TTYH1: variants seen among roughly 807,000 people sequenced by gnomAD.
TTYH1 encodes protein tweety homolog 1.
A neutral mutation model predicts 61.2 loss-of-function variants in TTYH1; 33 were observed. The ratio of observed to expected loss-of-function variants is 0.54; its 90% CI spans 0.41 to 0.72. The LOEUF (loss-of-function observed/expected upper bound fraction) is 0.72, where lower values mean the gene tolerates loss of function less well. TTYH1 is among the 30% of genes least tolerant of loss of function. The pLI, the probability that TTYH1 is intolerant of heterozygous loss-of-function variation, is 0.00. For missense variants in TTYH1, 538 were observed against 575.8 expected (o/e 0.93, Z 0.67); for synonymous variants, 308 against 266.4 (o/e 1.16, Z -1.52).
Position 54,420,399 on chromosome 19 carries a change from GC to G in TTYH1, c.306-877del, listed in dbSNP as rs2083186762. Among the ~76,000 whole-genome samples, 1 of 152,152 alleles carries G rather than the reference GC, an allele frequency of 6.6e-6. No homozygotes were observed. Among genetic ancestry groups the G allele is most frequent in the Admixed American group, 6.5e-5 (1 of 15,282 alleles). ...GGGGAGAGACACGGCCCCAGCCCCC[GC>G]AGCCTGGGAACAAGAGGAGCTTTGT... On this transcript the variant is annotated intron_variant, in intron 2 of 13. Coordinates refer to ENST00000376530, the MANE Select transcript of TTYH1 (RefSeq NM_020659.4). This position sits in a 1 kb window ranked among gnomAD's most constrained non-coding sequence, Gnocchi z 4.8.
In TTYH1 at chr19:54,416,976, AG is replaced by A; in HGVS notation, c.126+1301del. ...GCCCCCACGGTCGGGGGTCAGGGTC[AG>A]GGTGGCAGGGATGCGCGGGCAGAGC... On this transcript the variant is annotated intron_variant, in intron 1 of 13. Coordinates refer to ENST00000376530, the MANE Select transcript of TTYH1 (RefSeq NM_020659.4). This position sits in a 1 kb window ranked among gnomAD's most constrained non-coding sequence, Gnocchi z 7.0. 1 of 1,214,530 alleles carries A rather than the reference AG, an allele frequency of 8.2e-7. No individual in the cohort carries two copies. The highest frequency in any genetic ancestry group is 1.0e-6 in the Non-Finnish European group (1 of 953,880). 75.2% of individuals were successfully genotyped at this position (1,214,530 alleles called of 1,614,324 possible). A position where few individuals can be genotyped will look rare whatever the true frequency, so the allele number is the denominator to read the frequency against.
intron 10 of TTYH1, 174 bp downstream of exon 10, chr19:54,431,365 C>T (rs768592055): frequency 7.1e-5 from 42 of 590,608 alleles, no homozygotes; most frequent in Non-Finnish European, 1.1e-4. Context: ...TATAACCTGT[C>T]GTCTACCTAC....
chr19:54,427,465 G>A (rs1225165838), intron 5 of TTYH1, among the ~76,000 whole-genome samples: 1 of 151,476 alleles, frequency 6.6e-6, no homozygotes, highest in Non-Finnish European at 1.5e-5. Context: ...TTAGCCGGGC[G>A]TGGTGGCGGG....
In TTYH1 at chr19:54,420,204, G is replaced by A. The variant is rs34537286; in HGVS notation, c.305+898G>A. ...CCCGGCAGGGCAGCACCCACAGGTT[G>A]CAGACAGCAATCCTCTTCCACAGAC... On this transcript the variant is annotated intron_variant, in intron 2 of 13. Coordinates refer to ENST00000376530, the MANE Select transcript of TTYH1 (RefSeq NM_020659.4). The surrounding 1 kb of genome is among the most constrained non-coding windows in gnomAD (Gnocchi z 4.8). Among the ~76,000 whole-genome samples the A allele has an allele frequency of 0.59, 90,017 of 152,054 alleles. 26,754 individuals are homozygous for A. Among genetic ancestry groups the A allele is most frequent in the Admixed American group, 0.64 (9,796 of 15,276 alleles).
chr19:54,430,658 T>C, intron 8 of TTYH1, 53 bp downstream of exon 8: 1 of 1,371,680 alleles, frequency 7.3e-7, no homozygotes, highest in Non-Finnish European at 1.0e-6. Flanking sequence ...AAATCTGGAC[T>C]CTGAAGGGAG....
chr19:54,430,793 C>T lies in TTYH1; in HGVS notation c.940-20C>T. ...GGCGTATACTCCTGGGTCCTCCTCCCTCCCTTTCTCTTTCTGCAGAGGCTG... is the reference window on the plus strand; with the variant it reads ...GGCGTATACTCCTGGGTCCTCCTCCTTCCCTTTCTCTTTCTGCAGAGGCTG... On this transcript the variant is annotated intron_variant, in intron 8 of 13. Transcript: ENST00000376530. 1.2e-6 allele frequency: 2 copies of T among 1,612,528 alleles called. No individual in the cohort carries two copies. The highest frequency in any genetic ancestry group is 1.1e-5 in the South Asian group (1 of 90,916).
Position 54,436,240 on chromosome 19 carries a change from T to G in TTYH1, c.*42+69T>G. ...GCCCCCCTCCCGCCCTCCGAGCTGC[T>G]CCAGGCATGGGCTGCGTGCCTCCTG... is the stretch of plus-strand genomic sequence containing the variant. On this transcript the variant is annotated intron_variant, in intron 13 of 13. Transcript: ENST00000376530. This position sits in a 1 kb window ranked among gnomAD's most constrained non-coding sequence, Gnocchi z 4.3. 4 of 1,607,940 alleles carry G rather than the reference T, an allele frequency of 2.5e-6. No homozygotes were observed. The highest frequency in any genetic ancestry group is 3.4e-6 in the Non-Finnish European group (4 of 1,175,168).
At position 54,416,982 on chromosome 19, in the gene TTYH1, G is replaced by A; in HGVS notation, c.126+1304G>A. 1 of 1,209,590 alleles carries A rather than the reference G, an allele frequency of 8.3e-7. No individual in the cohort carries two copies. Among genetic ancestry groups the A allele is most frequent in the South Asian group, 1.5e-5 (1 of 68,874 alleles). 74.9% of individuals were successfully genotyped at this position (1,209,590 alleles called of 1,614,324 possible). A position where few individuals can be genotyped will look rare whatever the true frequency, so the allele number is the denominator to read the frequency against. On this transcript the variant is annotated intron_variant, in intron 1 of 13. Transcript: ENST00000376530. The surrounding 1 kb of genome is among the most constrained non-coding windows in gnomAD (Gnocchi z 7.0). ...ACGGTCGGGGGTCAGGGTCAGGGTGGCAGGGATGCGCGGGCAGAGCCCCAC... is the reference window on the plus strand; with the variant it reads ...ACGGTCGGGGGTCAGGGTCAGGGTGACAGGGATGCGCGGGCAGAGCCCCAC...
chr19:54,425,877 G>A (rs1234509816), intron 4 of TTYH1, among the ~76,000 whole-genome samples: 1 of 151,926 alleles, frequency 6.6e-6, no homozygotes, highest in African/African-American at 2.4e-5. Flanking sequence ...CACCACGCCC[G>A]GCTAATTGTT....
chr19:54,419,123 C>T lies in TTYH1; in HGVS notation c.127-5C>T. ...TCGGAGGTCTGATGTCACCCCCTTC[C>T]CCAGGCCTTGTTGCTGGTGGCGGCC... On this transcript the variant is annotated splice_region_variant and splice_polypyrimidine_tract_variant and intron_variant, in intron 1 of 13. Coordinates refer to ENST00000376530, the MANE Select transcript of TTYH1 (RefSeq NM_020659.4). The surrounding 1 kb of genome is among the most constrained non-coding windows in gnomAD (Gnocchi z 6.1). The T allele has an allele frequency of 1.9e-6, 3 of 1,609,460 alleles. No homozygotes were observed. Among genetic ancestry groups the T allele is most frequent in the Admixed American group, 1.7e-5 (1 of 59,536 alleles).
In TTYH1 at chr19:54,421,298, C is replaced by T. The variant is rs1168951983; in HGVS notation, c.327C>T (p.Phe109=). ...LAGCTGIGIG[F]YGNSETSDGV... ...TCAGCACTGGCATTGGCATCGGTTTCTATGGCAACAGTGAGACCAGTGATG... is the reference window on the plus strand; with the variant it reads ...TCAGCACTGGCATTGGCATCGGTTTTTATGGCAACAGTGAGACCAGTGATG... The change falls in exon 3 of 14, where the codon TTC becomes TTT. Residue 109 remains phenylalanine, a synonymous_variant. Coordinates refer to ENST00000376530, the MANE Select transcript of TTYH1 (RefSeq NM_020659.4). This position sits in a 1 kb window ranked among gnomAD's most constrained non-coding sequence, Gnocchi z 4.8. 1 of 1,613,586 alleles carries T rather than the reference C, an allele frequency of 6.2e-7. No individual in the cohort carries two copies. The highest frequency in any genetic ancestry group is 2.2e-5 in the East Asian group (1 of 44,864).
At position 54,425,866 on chromosome 19, in the gene TTYH1, C is replaced by T. The variant is rs1328015349; in HGVS notation, c.639-807C>T. ...AAGTAGCTGGGATTACAGGCGTGCA[C>T]CACCACGCCCGGCTAATTGTTGTAT... is the stretch of plus-strand genomic sequence containing the variant. On this transcript the variant is annotated intron_variant, in intron 4 of 13. Coordinates refer to ENST00000376530, the MANE Select transcript of TTYH1 (RefSeq NM_020659.4). Among the ~76,000 whole-genome samples the T allele has an allele frequency of 2.0e-5, 3 of 152,134 alleles. No individual in the cohort carries two copies. In the South Asian group the frequency reaches 6.2e-4, roughly 31 times the overall value.
rs990937552 is a variant in TTYH1 at position 54,421,024 on chromosome 19, C to T, written c.306-253C>T. ...TGCGAGTTAAATCGGGGGCTCCCTCCCCCCCACCACTCCACCCACCATTAA... is the reference window on the plus strand; with the variant it reads ...TGCGAGTTAAATCGGGGGCTCCCTCTCCCCCACCACTCCACCCACCATTAA... On this transcript the variant is annotated intron_variant, in intron 2 of 13. Coordinates refer to ENST00000376530, the MANE Select transcript of TTYH1 (RefSeq NM_020659.4). The surrounding 1 kb of genome is among the most constrained non-coding windows in gnomAD (Gnocchi z 4.8). Among the ~76,000 whole-genome samples the T allele has an allele frequency of 6.6e-6, 1 of 152,100 alleles. No homozygotes were observed. Among genetic ancestry groups the T allele is most frequent in the Non-Finnish European group, 1.5e-5 (1 of 67,978 alleles).
chr19:54,424,489 G>C (rs1599897344), intron 4 of TTYH1, among the ~76,000 whole-genome samples: 3 of 152,242 alleles, frequency 2.0e-5, no homozygotes, highest in Non-Finnish European at 4.4e-5. Flanking sequence ...CACACCCGCA[G>C]GGCAGCAGGT....
rs1453482706 is a variant in TTYH1, at chr19:54,436,638, C to A, written c.*348C>A. The A allele has an allele frequency of 1.8e-6, 1 of 557,776 alleles. No individual in the cohort carries two copies. Among genetic ancestry groups the A allele is most frequent in the African/African-American group, 1.9e-5 (1 of 53,258 alleles). 34.6% of individuals were successfully genotyped at this position (557,776 alleles called of 1,614,324 possible). ...GCTGCCCCTGCCACATCCCAGTGGG[C>A]TCTGACCCCCTGATCTCAACTCGTG... is the stretch of plus-strand genomic sequence containing the variant. On this transcript the variant is annotated 3_prime_UTR_variant, in exon 14 of 14. Transcript: ENST00000376530. This position sits in a 1 kb window ranked among gnomAD's most constrained non-coding sequence, Gnocchi z 4.3.
chr19:54,436,021 G>A lies in TTYH1; in HGVS notation c.1315-70G>A. The A allele has an allele frequency of 6.3e-7, 1 of 1,584,552 alleles. No individual in the cohort carries two copies. Among genetic ancestry groups the A allele is most frequent in the Non-Finnish European group, 8.7e-7 (1 of 1,154,554 alleles). On this transcript the variant is annotated intron_variant, in intron 12 of 13. Transcript: ENST00000376530. This position sits in a 1 kb window ranked among gnomAD's most constrained non-coding sequence, Gnocchi z 4.3. ...CTGGGTCTGAGGGAGGAGGGGCTGG[G>A]GTCCCACAGTACAAAGCCAATTCCC...
Position 54,436,603 on chromosome 19 carries a change from G to A in TTYH1, c.*313G>A, listed in dbSNP as rs1392246590. ...GGACTAAGCTGGGGGTGGGGGACAT[G>A]AGTCCCCCTGCTGCCCCTGCCACAT... On this transcript the variant is annotated 3_prime_UTR_variant, in exon 14 of 14. Coordinates refer to ENST00000376530, the MANE Select transcript of TTYH1 (RefSeq NM_020659.4). This position sits in a 1 kb window ranked among gnomAD's most constrained non-coding sequence, Gnocchi z 4.3. 1.7e-6 allele frequency: 1 copy of A among 590,112 alleles called. No homozygotes were observed. The highest frequency in any genetic ancestry group is 2.9e-5 in the Admixed American group (1 of 34,224). 36.6% of individuals were successfully genotyped at this position (590,112 alleles called of 1,614,324 possible). A position where few individuals can be genotyped will look rare whatever the true frequency, so the allele number is the denominator to read the frequency against.
intron 4 of TTYH1, among the ~76,000 whole-genome samples, chr19:54,423,822 G>C (rs575227028): frequency 6.6e-6 from 1 of 152,152 alleles, no homozygotes; most frequent in Non-Finnish European, 1.5e-5. Flanking sequence ...AGGGACAAAC[G>C]CAGAGAAAAA....
At chr19:54,425,237 G>T (rs1338768071) in intron 4 of TTYH1, among the ~76,000 whole-genome samples, 5 of 152,176 alleles carry the variant, frequency 3.3e-5, no homozygotes, top group Non-Finnish European at 5.9e-5. Flanking sequence ...TCAGCGGCGG[G>T]TCTGCGACGG....
Sources: allele counts gnomAD v4.1 joint callset (sites outside exome capture counted in the v4.1 genomes callset), GRCh38; gene constraint gnomAD v4.1.1; non-coding constraint Gnocchi (gnomAD v3.1); transcripts MANE v1.5; gene names NCBI Gene and HGNC (gene_info 2026-07-23, HGNC 2026-07-21).